The following DAB1 variants were observed in gnomAD, a reference collection of about 807,000 sequenced individuals.
DAB1 encodes DAB adaptor protein 1.
Under a neutral mutation model 64.6 loss-of-function variants are expected in DAB1, and 15 were observed. The ratio of observed to expected loss-of-function variants is 0.23; its 90% CI spans 0.16 to 0.36. DAB1 has a LOEUF of 0.36. DAB1 is among the 10% of genes least tolerant of loss of function. The probability of loss-of-function intolerance (pLI) is 1.00; values close to 1 mark genes in which losing one functional copy is unlikely to be tolerated. For missense variants in DAB1, 596 were observed against 706.7 expected (o/e 0.84, Z 1.78); for synonymous variants, 235 against 251.9 (o/e 0.93, Z 0.64).
intron 6 of DAB1, among the ~76,000 whole-genome samples, chr1:57,685,601 A>C (rs1358397131): frequency 6.6e-6 from 1 of 152,142 alleles, no homozygotes; most frequent in Admixed American, 6.5e-5. Flanking sequence ...CAACCAAAGA[A>C]TATACATTCT....
At chr1:57,566,641 T>C (rs1050310353) in intron 7 of DAB1, among the ~76,000 whole-genome samples, 2 of 152,110 alleles carry the variant, frequency 1.3e-5, no homozygotes, top group African/African-American at 4.8e-5. Flanking sequence ...GAGAATACTA[T>C]AAACACCTAA....
chr1:57,808,510 T>C (rs1476247928), intron 6 of DAB1, among the ~76,000 whole-genome samples: 1 of 152,154 alleles, frequency 6.6e-6, no homozygotes, highest in Non-Finnish European at 1.5e-5. Context: ...ATTCAGAAAA[T>C]GGCTTTGAAA....
chr1:57,553,406 G>GAAAA (rs759455637), intron 7 of DAB1, among the ~76,000 whole-genome samples: 1 of 15,802 alleles, frequency 6.3e-5, no homozygotes, highest in Non-Finnish European at 2.7e-4. Flanking sequence ...AAGAAAGAAA[G>GAAAA]AAAGAAAGAA....
At chr1:58,434,073 A>G (rs1020695528) in intron 3 of DAB1, among the ~76,000 whole-genome samples, 124 of 152,314 alleles carry the variant, frequency 8.1e-4, no homozygotes, top group African/African-American at 2.8e-3. Flanking sequence ...ATAAGGACAC[A>G]GATCATGTAG....
intron 2 of DAB1, among the ~76,000 whole-genome samples, chr1:58,507,543 A>G (rs1272412255): frequency 2.0e-5 from 3 of 152,076 alleles, no homozygotes; most frequent in Admixed American, 6.5e-5. Context: ...AAAGAATTCA[A>G]GGTACTTTAT....
At chr1:57,216,835 A>G (rs1666464102) in intron 2 of DAB1, among the ~76,000 whole-genome samples, 1 of 152,236 alleles carries the variant, frequency 6.6e-6, no homozygotes, top group Non-Finnish European at 1.5e-5. Context: ...CTGCCCATAG[A>G]CCTACACTAC....
chr1:57,324,238 C>T (rs113326552), intron 1 of DAB1, among the ~76,000 whole-genome samples: 252 of 152,308 alleles, frequency 1.7e-3, no homozygotes, highest in African/African-American at 5.6e-3. Flanking sequence ...AACTTTATTA[C>T]AGAGGAGGAG....
intron 4 of DAB1, among the ~76,000 whole-genome samples, chr1:57,112,461 C>T (rs1245476588): frequency 1.3e-5 from 2 of 152,214 alleles, no homozygotes; most frequent in Non-Finnish European, 1.5e-5. Context: ...CTGTCTTCTA[C>T]GTGAGAAATT....
rs74077943 is a variant in DAB1 at position 58,243,118 on chromosome 1, A to G, written n.310-92530T>C. 7.9e-3 allele frequency among the ~76,000 whole-genome samples: 1,197 copies of G among 152,240 alleles called. 18 individuals are homozygous for G. Among genetic ancestry groups the G allele is most frequent in the African/African-American group, 0.028 (1,162 of 41,544 alleles). ...GACACCATGTGTTGCACTCAGATGT[A>G]AAACTTCAGCTTGGTAACATTTTCA... is the stretch of plus-strand genomic sequence containing the variant. On this transcript the variant is annotated intron_variant and non_coding_transcript_variant, in intron 4 of 20. Transcript: ENST00000485760.
chr1:58,197,012 T>C lies in DAB1; in HGVS notation n.310-46424A>G, dbSNP rs528141089. Among the ~76,000 whole-genome samples the C allele has an allele frequency of 2.2e-4, 33 of 152,344 alleles. 1 individual carries two copies. The Middle Eastern group carries it at 0.01, about 47-fold the overall frequency. On this transcript the variant is annotated intron_variant and non_coding_transcript_variant, in intron 4 of 20. Coordinates refer to the DAB1 transcript ENST00000485760. ...GGATGGGAATCATGCAAATTACTTC[T>C]AGGTTCATATTCTGAAAACCTCCCT... is the stretch of plus-strand genomic sequence containing the variant.
chr1:58,208,919 C>T (rs376907756), intron 4 of DAB1, among the ~76,000 whole-genome samples: 8 of 152,044 alleles, frequency 5.3e-5, no homozygotes, highest in South Asian at 4.1e-4. Context: ...CCCCCTAAAA[C>T]GACTCATTAA....
chr1:57,045,224 A>T (rs1648314232), intron 9 of DAB1, among the ~76,000 whole-genome samples: 1 of 152,136 alleles, frequency 6.6e-6, no homozygotes, highest in Non-Finnish European at 1.5e-5. Flanking sequence ...GCAGTTTAGG[A>T]GCTTGTCCTG....
intron 6 of DAB1, among the ~76,000 whole-genome samples, chr1:57,786,999 TGA>T (rs1650367792): frequency 1.3e-5 from 2 of 151,426 alleles, no homozygotes; most frequent in Admixed American, 1.3e-4. Flanking sequence ...AAAAAACCAG[TGA>T]GAGAATTCAG....
chr1:57,009,553 C>T (rs1646200437), intron 14 of DAB1, among the ~76,000 whole-genome samples: 1 of 152,112 alleles, frequency 6.6e-6, no homozygotes, highest in Admixed American at 6.6e-5. Context: ...GCCTCAGAAT[C>T]CATTTATGAG....
intron 3 of DAB1, among the ~76,000 whole-genome samples, chr1:58,411,067 A>G (rs558810967): frequency 6.6e-6 from 1 of 152,326 alleles, no homozygotes; most frequent in Admixed American, 6.5e-5. Context: ...GTGCTCTACC[A>G]CAGTGATATC....
At chr1:58,046,540 T>C (rs962719288) in intron 5 of DAB1, among the ~76,000 whole-genome samples, 2 of 152,188 alleles carry the variant, frequency 1.3e-5, no homozygotes, top group Admixed American at 6.5e-5. Flanking sequence ...TAAAGTACAA[T>C]GTCATATCAT....
intron 3 of DAB1, among the ~76,000 whole-genome samples, chr1:58,345,246 A>C (rs1213656): frequency 0.14 from 21,436 of 151,948 alleles, 1,725 homozygotes; most frequent in East Asian, 0.28. Context: ...GGAACAACCC[A>C]TTTCCCAGCT....
chr1:58,265,554 C>T (rs1181771978), intron 4 of DAB1, among the ~76,000 whole-genome samples: 2 of 152,196 alleles, frequency 1.3e-5, no homozygotes, highest in Non-Finnish European at 2.9e-5. Flanking sequence ...CTTTTATTAA[C>T]TCCTCTAATC....
rs1558381326 is a variant in DAB1 at position 57,439,424 on chromosome 1, T to TTTTTTTTTTTTTTTTTGTTTTTTTG, written n.626-148259_626-148258insCAAAAAAACAAAAAAAAAAAAAAAA. ...CCATCAACTTGGTGATGAGGTTTTT[T>TTTTTTTTTTTTTTTTTGTTTTTTTG]CTTTTTTTTTTTTTTTTTTTTTTGA... On this transcript the variant is annotated intron_variant and non_coding_transcript_variant, in intron 7 of 20. Coordinates refer to the DAB1 transcript ENST00000485760. Among the ~76,000 whole-genome samples, 22 of 117,174 alleles carry TTTTTTTTTTTTTTTTTGTTTTTTTG rather than the reference T, an allele frequency of 1.9e-4. 1 individual carries two copies. Among genetic ancestry groups the TTTTTTTTTTTTTTTTTGTTTTTTTG allele is most frequent in the Non-Finnish European group, 2.9e-4 (17 of 58,378 alleles). 76.9% of individuals were successfully genotyped at this position (117,174 alleles called of 152,430 possible).
Sources: gnomAD v4.1 joint callset for allele counts (sites outside exome capture counted in the v4.1 genomes callset) on GRCh38, gnomAD v4.1.1 for gene constraint, MANE v1.5 for transcripts, NCBI Gene and HGNC (gene_info 2026-07-23, HGNC 2026-07-21) for gene names.